The following ATP2B2 variants were observed in gnomAD, a reference collection of about 807,000 sequenced individuals.
The protein encoded by ATP2B2 is ATPase plasma membrane Ca2+ transporting 2.
ATP2B2 carries 15 observed loss-of-function variants against 120.0 expected under a neutral mutation model. The ratio of observed to expected loss-of-function variants is 0.12; its 90% CI spans 0.08 to 0.19. ATP2B2 has a LOEUF of 0.19. Among genes scored for constraint, ATP2B2 ranks in the 10% least tolerant of loss-of-function variants. ATP2B2 has a pLI of 1.00. For synonymous variants in ATP2B2, 694 were observed against 700.3 expected (o/e 0.99, Z 0.14); for missense variants, 1,045 against 1,719.8 (o/e 0.61, Z 6.94).
chr3:10,545,268 G>A (rs2125502010), intron 2 of ATP2B2, among the ~76,000 whole-genome samples: 1 of 152,326 alleles, frequency 6.6e-6, no homozygotes, highest in South Asian at 2.1e-4. Flanking sequence ...AGTGGCTCAT[G>A]CCTGTAATCC....
chr3:10,379,353 A>G, intron 8 of ATP2B2, 69 bp from the exon 9 acceptor site: 1 of 1,517,636 alleles, frequency 6.6e-7, no homozygotes, highest in Non-Finnish European at 9.1e-7. Flanking sequence ...ACGAAGACGC[A>G]ACAGGCCACA....
intron 2 of ATP2B2, among the ~76,000 whole-genome samples, chr3:10,605,734 C>T (rs890724213): frequency 1.8e-4 from 28 of 151,982 alleles, no homozygotes; most frequent in Non-Finnish European, 3.1e-4. Context: ...CTGCAACCTC[C>T]GCCTCCCGGG....
chr3:10,520,202 T>C (rs933133550), intron 3 of ATP2B2, among the ~76,000 whole-genome samples: 4 of 152,354 alleles, frequency 2.6e-5, no homozygotes, highest in East Asian at 1.9e-4. Context: ...TGGCCAACCC[T>C]GATTTAATTA....
chr3:10,661,064 C>A (rs562649219), intron 1 of ATP2B2, among the ~76,000 whole-genome samples: 48 of 152,320 alleles, frequency 3.2e-4, no homozygotes, highest in Non-Finnish European at 6.5e-4. Flanking sequence ...ATGCTGAAAA[C>A]TCTCAATAAA....
chr3:10,620,957 C>G (rs2125623894), intron 1 of ATP2B2, among the ~76,000 whole-genome samples: 1 of 152,306 alleles, frequency 6.6e-6, no homozygotes, highest in East Asian at 1.9e-4. Flanking sequence ...GGTTCACACC[C>G]TCAGCCCCCA....
At chr3:10,356,995 G>C (rs2060752697) in intron 14 of ATP2B2, among the ~76,000 whole-genome samples, 1 of 150,720 alleles carries the variant, frequency 6.6e-6, no homozygotes, top group Non-Finnish European at 1.5e-5. Context: ...GAGAGAGAGA[G>C]AGGAGCACTA....
In ATP2B2 at chr3:10,664,779, C is replaced by A. The variant is rs946460122; in HGVS notation, c.-460+43136G>T. ...TGAAAAGGGAAGGCAATAGAGAAAGCCACCTTTGCCTGATTTGGGAAAGAA... is the reference window on the plus strand; with the variant it reads ...TGAAAAGGGAAGGCAATAGAGAAAGACACCTTTGCCTGATTTGGGAAAGAA... On this transcript the variant is annotated intron_variant, in intron 1 of 21. Coordinates refer to the ATP2B2 transcript ENST00000646379. Among the ~76,000 whole-genome samples the A allele has an allele frequency of 2.6e-5, 4 of 152,192 alleles. No individual in the cohort carries two copies. The East Asian group carries it at 7.7e-4, about 29-fold the overall frequency.
At chr3:10,511,468 T>A (rs2066760283) in intron 3 of ATP2B2, among the ~76,000 whole-genome samples, 1 of 152,180 alleles carries the variant, frequency 6.6e-6, no homozygotes, top group African/African-American at 2.4e-5. Flanking sequence ...AAAAAGCAAT[T>A]CTGCTAGTAG....
chr3:10,374,528 T>C (rs568961660), intron 11 of ATP2B2, among the ~76,000 whole-genome samples: 88 of 152,342 alleles, frequency 5.8e-4, no homozygotes, highest in Non-Finnish European at 1.2e-3. Flanking sequence ...TTTATAAACA[T>C]GGCCACGCCT....
intron 16 of ATP2B2, among the ~76,000 whole-genome samples, chr3:10,349,148 C>G (rs528047758): frequency 6.6e-5 from 10 of 152,298 alleles, no homozygotes; most frequent in African/African-American, 2.2e-4. Flanking sequence ...GCCAGGACCA[C>G]GTGACTCTAA....
chr3:10,431,846 G>A (rs1279051245), intron 2 of ATP2B2, among the ~76,000 whole-genome samples: 1 of 152,140 alleles, frequency 6.6e-6, no homozygotes. Flanking sequence ...TCCAAAAAGG[G>A]GGTGGGCTGG....
At chr3:10,403,767 A>G (rs973670313) in intron 3 of ATP2B2, among the ~76,000 whole-genome samples, 3 of 152,216 alleles carry the variant, frequency 2.0e-5, no homozygotes, top group African/African-American at 7.2e-5. Flanking sequence ...AAGCTGGCTG[A>G]GAGAAGGGTA....
chr3:10,659,066 G>T (rs1329687418), intron 1 of ATP2B2, among the ~76,000 whole-genome samples: 3 of 152,222 alleles, frequency 2.0e-5, no homozygotes, highest in African/African-American at 7.2e-5. Flanking sequence ...TCACCACCAG[G>T]CCTGCCCTAA....
chr3:10,528,462 C>T (rs1479092893), intron 3 of ATP2B2, among the ~76,000 whole-genome samples: 1 of 152,188 alleles, frequency 6.6e-6, no homozygotes, highest in African/African-American at 2.4e-5. Context: ...TATAATGTGC[C>T]TGATCACTTT....
chr3:10,394,856 C>T (rs972973801), intron 5 of ATP2B2, among the ~76,000 whole-genome samples: 5 of 151,974 alleles, frequency 3.3e-5, no homozygotes, highest in Non-Finnish European at 5.9e-5. Flanking sequence ...AAGACAGCCC[C>T]GCCATCCTGG....
intron 2 of ATP2B2, among the ~76,000 whole-genome samples, chr3:10,568,685 A>G (rs2068061013): frequency 6.6e-6 from 1 of 152,202 alleles, no homozygotes; most frequent in South Asian, 2.1e-4. Context: ...TGACTTCCTT[A>G]TAAGCTCAGG....
chr3:10,418,136 TTCACC>T lies in ATP2B2; in HGVS notation c.200-7326_200-7322del, dbSNP rs201092004. 5.1e-3 allele frequency among the ~76,000 whole-genome samples: 781 copies of T among 152,214 alleles called. 8 individuals are homozygous for T. The highest frequency in any genetic ancestry group is 4.8e-3 in the Non-Finnish European group (324 of 67,988). On this transcript the variant is annotated intron_variant, in intron 2 of 22. Coordinates refer to ENST00000360273, the MANE Select transcript of ATP2B2 (RefSeq NM_001001331.4). ...TGGTAGCTCAGTACTGAATACGCAG[TTCACC>T]TCTGTGAGCTACACCAGAGGACTCA...
intron 3 of ATP2B2, among the ~76,000 whole-genome samples, chr3:10,410,142 C>T (rs1420614154): frequency 6.6e-6 from 1 of 151,960 alleles, no homozygotes; most frequent in Non-Finnish European, 1.5e-5. Context: ...GTTTCCTCAT[C>T]TTTTTTTTAT....
chr3:10,394,727 T>A (rs2061977063), intron 5 of ATP2B2, among the ~76,000 whole-genome samples: 1 of 151,386 alleles, frequency 6.6e-6, no homozygotes, highest in African/African-American at 2.4e-5. Context: ...TTTACCGATG[T>A]CCTGCATGAC....
Sources: gnomAD v4.1 joint callset for allele counts (sites outside exome capture counted in the v4.1 genomes callset) on GRCh38, gnomAD v4.1.1 for gene constraint, MANE v1.5 for transcripts, NCBI Gene and HGNC (gene_info 2026-07-23, HGNC 2026-07-21) for gene names.